SLC24A3: variants seen among roughly 807,000 people sequenced by gnomAD.
The protein encoded by SLC24A3 is solute carrier family 24 member 3.
Under a neutral mutation model 75.8 loss-of-function variants are expected in SLC24A3, and 28 were observed. That is an observed-to-expected ratio of 0.37 (90% confidence interval 0.27 to 0.51). The LOEUF (loss-of-function observed/expected upper bound fraction) is 0.51. Ranked by LOEUF, SLC24A3 falls within the 20% of genes least tolerant of loss-of-function variation. The pLI is 0.94. For missense variants in SLC24A3, 663 were observed against 847.8 expected, an observed-to-expected ratio of 0.78 and a Z score of 2.71; for synonymous variants, 372 against 334.1, an observed-to-expected ratio of 1.11 and a Z score of -1.24.
intron 1 of SLC24A3, among the ~76,000 whole-genome samples, chr20:19,270,536 A>T (rs997955388): frequency 7.2e-5 from 11 of 151,922 alleles, no homozygotes; most frequent in Non-Finnish European, 2.9e-5. Context: ...TTGCATACTG[A>T]TATATTATTG....
At chr20:19,423,555 G>A (rs542869388) in intron 2 of SLC24A3, among the ~76,000 whole-genome samples, 2 of 152,176 alleles carry the variant, frequency 1.3e-5, no homozygotes, top group African/African-American at 4.8e-5. Context: ...TGCTCCCAGG[G>A]GTTCTGTTTC....
intron 2 of SLC24A3, among the ~76,000 whole-genome samples, chr20:19,480,007 G>T (rs73903114): frequency 3.5e-4 from 53 of 152,354 alleles, no homozygotes; most frequent in African/African-American, 1.2e-3. Context: ...AAAAGGGACT[G>T]TTGTGATGCA....
At chr20:19,347,412 T>C (rs1985452516) in intron 2 of SLC24A3, among the ~76,000 whole-genome samples, 1 of 152,188 alleles carries the variant, frequency 6.6e-6, no homozygotes, top group Non-Finnish European at 1.5e-5. Context: ...GGTTAATCAG[T>C]TGTTACAAAT....
rs1470978656 is a variant in SLC24A3 at position 19,262,584 on chromosome 20, G to C, written c.143-18375G>C. ...TTTGGTCAAGGAGATGCCATATGCT[G>C]ATTCCCCCAATTGTGCTACAATGAT... On this transcript the variant is annotated intron_variant, in intron 1 of 16. Coordinates refer to ENST00000328041, the MANE Select transcript of SLC24A3 (RefSeq NM_020689.4). 3.9e-5 allele frequency among the ~76,000 whole-genome samples: 6 copies of C among 152,204 alleles called. No individual in the cohort carries two copies. In the East Asian group the frequency reaches 1.2e-3, roughly 29 times the overall value.
chr20:19,521,815 G>A (rs1360877569), intron 3 of SLC24A3, among the ~76,000 whole-genome samples: 4 of 152,298 alleles, frequency 2.6e-5, no homozygotes, highest in Non-Finnish European at 2.9e-5. Context: ...TTCTTAGGGG[G>A]CAGAAGACCA....
intron 2 of SLC24A3, among the ~76,000 whole-genome samples, chr20:19,418,829 C>T (rs1352364576): frequency 1.3e-5 from 2 of 152,110 alleles, no homozygotes; most frequent in Non-Finnish European, 2.9e-5. Flanking sequence ...GGAAGTAAGT[C>T]TGTTTGGGTC....
At chr20:19,696,405 C>CT (rs1169289743) in intron 13 of SLC24A3, 2 of 168,048 alleles carry the variant, frequency 1.2e-5, no homozygotes, top group African/African-American at 4.7e-5. Context: ...TGCATCCTCC[C>CT]TGACATGGAC....
chr20:19,423,631 G>C (rs1986953000), intron 2 of SLC24A3, among the ~76,000 whole-genome samples: 1 of 152,166 alleles, frequency 6.6e-6, no homozygotes, highest in South Asian at 2.1e-4. Flanking sequence ...TAATAACACA[G>C]CATCATCCAG....
intron 3 of SLC24A3, among the ~76,000 whole-genome samples, chr20:19,550,558 A>T (rs1244825619): frequency 1.3e-5 from 2 of 152,190 alleles, no homozygotes; most frequent in Non-Finnish European, 2.9e-5. Flanking sequence ...GTGTGTGTGT[A>T]TACTTGTGTG....
At chr20:19,336,891 C>A (rs1159689933) in intron 2 of SLC24A3, among the ~76,000 whole-genome samples, 1 of 151,994 alleles carries the variant, frequency 6.6e-6, no homozygotes, top group South Asian at 2.1e-4. Context: ...TGCTATGTGG[C>A]CATGATGGAA....
intron 2 of SLC24A3, among the ~76,000 whole-genome samples, chr20:19,473,416 A>G (rs771655967): frequency 3.9e-5 from 6 of 152,266 alleles, no homozygotes; most frequent in Non-Finnish European, 5.9e-5. Flanking sequence ...GATAATAACA[A>G]TGATGAAATA....
At chr20:19,462,694 G>A (rs1987698882) in intron 2 of SLC24A3, among the ~76,000 whole-genome samples, 1 of 152,176 alleles carries the variant, frequency 6.6e-6, no homozygotes, top group Non-Finnish European at 1.5e-5. Context: ...TCCAGCCAGA[G>A]AGAGGCCCAG....
chr20:19,216,707 A>G (rs1981569272), intron 1 of SLC24A3, among the ~76,000 whole-genome samples: 1 of 152,242 alleles, frequency 6.6e-6, no homozygotes, highest in Non-Finnish European at 1.5e-5. Context: ...GAATGTATGT[A>G]TGTATTTATG....
chr20:19,532,005 C>T lies in SLC24A3; in HGVS notation c.348+16441C>T, dbSNP rs191676873. 4.4e-4 allele frequency among the ~76,000 whole-genome samples: 67 copies of T among 152,290 alleles called. No homozygotes were observed. In the East Asian group the frequency reaches 0.012, roughly 26 times the overall value. Reference sequence around the variant, plus strand: ...CAACTTGCCCAAGGCATGCAGCTCACGAATGGTGGAACTGGGGGTTGACTC... The same window carrying T: ...CAACTTGCCCAAGGCATGCAGCTCATGAATGGTGGAACTGGGGGTTGACTC... On this transcript the variant is annotated intron_variant, in intron 3 of 16. Transcript: ENST00000328041.
At chr20:19,312,261 T>C (rs1984474578) in intron 2 of SLC24A3, among the ~76,000 whole-genome samples, 1 of 152,250 alleles carries the variant, frequency 6.6e-6, no homozygotes. Context: ...AGGGAAAGTA[T>C]AGGTGTGCCA....
At chr20:19,513,463 A>C (rs537828701) in intron 2 of SLC24A3, among the ~76,000 whole-genome samples, 18 of 152,308 alleles carry the variant, frequency 1.2e-4, no homozygotes, top group African/African-American at 4.3e-4. Context: ...GTGCTCAATA[A>C]ATGCTCACTG....
chr20:19,342,542 A>G (rs1480206476), intron 2 of SLC24A3, among the ~76,000 whole-genome samples: 1 of 152,252 alleles, frequency 6.6e-6, no homozygotes, highest in Admixed American at 6.5e-5. Flanking sequence ...TGAATATTGA[A>G]AGACATGGGA....
chr20:19,672,046 C>T (rs1169068913), intron 8 of SLC24A3, among the ~76,000 whole-genome samples: 3 of 152,070 alleles, frequency 2.0e-5, no homozygotes, highest in Non-Finnish European at 2.9e-5. Context: ...GGAAATCGAA[C>T]AGGATGATGG....
At chr20:19,496,026 A>G (rs1412393066) in intron 2 of SLC24A3, among the ~76,000 whole-genome samples, 1 of 152,196 alleles carries the variant, frequency 6.6e-6, no homozygotes, top group Non-Finnish European at 1.5e-5. Context: ...TGTTCAAGCC[A>G]GTGAAAACAC....
Sources: allele counts gnomAD v4.1 joint callset (sites outside exome capture counted in the v4.1 genomes callset), GRCh38; gene constraint gnomAD v4.1.1; transcripts MANE v1.5; gene names NCBI Gene and HGNC (gene_info 2026-07-23, HGNC 2026-07-21).